FRK: variants seen among roughly 807,000 people sequenced by gnomAD.
The protein encoded by FRK is tyrosine-protein kinase FRK.
FRK carries 51 observed loss-of-function variants against 56.4 expected under a neutral mutation model. That is an observed-to-expected ratio of 0.90 (90% CI 0.72 to 1.14). The LOEUF (loss-of-function observed/expected upper bound fraction) is 1.14. Among genes scored for constraint, FRK ranks in the 50% most tolerant of loss-of-function variants. The probability of loss-of-function intolerance (pLI) is 0.00; values close to 1 mark genes in which losing one functional copy is unlikely to be tolerated. For missense variants in FRK, 570 were observed against 601.4 expected (o/e 0.95, Z 0.55); for synonymous variants, 245 against 217.9 (o/e 1.12, Z -1.10).
intron 1 of FRK, chr6:116,038,703 C>A: frequency 2.4e-6 from 1 of 417,588 alleles, no homozygotes; most frequent in East Asian, 6.0e-5. Context: ...AATCCCCAAC[C>A]TAGAAAATCA....
At chr6:115,990,964 T>G (rs1296804743) in intron 2 of FRK, among the ~76,000 whole-genome samples, 1 of 151,970 alleles carries the variant, frequency 6.6e-6, no homozygotes, top group African/African-American at 2.4e-5. Context: ...TGTTTTATAG[T>G]TGTCCTTGTA....
intron 5 of FRK, among the ~76,000 whole-genome samples, chr6:115,950,041 T>C (rs1264145806): frequency 6.6e-6 from 1 of 152,096 alleles, no homozygotes; most frequent in East Asian, 1.9e-4. Context: ...TCAAGACGGA[T>C]TAAAGATTTA....
At chr6:116,098,465 C>T in the FRK span, among the ~76,000 whole-genome samples, 2 of 152,124 alleles carry the variant, frequency 1.3e-5, no homozygotes, top group African/African-American at 4.8e-5. Context: ...CTTGAAAACT[C>T]TGGTGCCCCT....
rs554938071 is a variant in FRK, at chr6:115,967,355, C to A, written c.799+196G>T. 3.2e-4 allele frequency among the ~76,000 whole-genome samples: 48 copies of A among 152,242 alleles called. 1 individual carries two copies. In the South Asian group the frequency reaches 9.7e-3, roughly 31 times the overall value. On this transcript the variant is annotated intron_variant, in intron 4 of 7. Transcript: ENST00000606080. ...CAATCAGCGATATTTTAAGACTCAG[C>A]TGAACCAGGAAGTGTGTTCTTGTTT...
chr6:116,095,931 C>T, the FRK span, among the ~76,000 whole-genome samples: 1 of 152,320 alleles, frequency 6.6e-6, no homozygotes, highest in East Asian at 1.9e-4. Flanking sequence ...TGATATCAGA[C>T]AATGCCTTTC....
chr6:116,087,175 G>A, the FRK span, among the ~76,000 whole-genome samples: 15 of 152,070 alleles, frequency 9.9e-5, no homozygotes, highest in South Asian at 2.1e-4. Flanking sequence ...TCTCTAAACC[G>A]CAGGGCCCTC....
chr6:116,091,279 T>C, the FRK span, among the ~76,000 whole-genome samples: 67 of 152,298 alleles, frequency 4.4e-4, 1 homozygote, highest in African/African-American at 1.6e-3. Flanking sequence ...GGATTGTAAA[T>C]GCACTATCAG....
the FRK span, among the ~76,000 whole-genome samples, chr6:116,068,221 C>T: frequency 6.6e-6 from 1 of 152,018 alleles, no homozygotes; most frequent in Non-Finnish European, 1.5e-5. Context: ...GAAAAGATGG[C>T]CTTTAATATT....
At chr6:116,094,621 G>A in the FRK span, among the ~76,000 whole-genome samples, 17 of 152,324 alleles carry the variant, frequency 1.1e-4, no homozygotes, top group African/African-American at 2.4e-4. Context: ...GTTATTGCAC[G>A]CAGTGCAAAA....
intron 1 of FRK, among the ~76,000 whole-genome samples, chr6:116,022,988 G>A (rs1357151018): frequency 6.6e-6 from 1 of 152,092 alleles, no homozygotes; most frequent in East Asian, 1.9e-4. Context: ...TTTTTAAATG[G>A]GCAGAAGACT....
intron 2 of FRK, among the ~76,000 whole-genome samples, chr6:115,994,570 A>G (rs1478277830): frequency 1.3e-5 from 2 of 152,134 alleles, no homozygotes; most frequent in Non-Finnish European, 2.9e-5. Context: ...CTTTACTGGC[A>G]TGGCCACTGA....
upstream of FRK, among the ~76,000 whole-genome samples, chr6:116,065,608 T>C (rs2114849732): frequency 6.6e-6 from 1 of 152,330 alleles, no homozygotes; most frequent in South Asian, 2.1e-4. Flanking sequence ...AAGAATCGAA[T>C]AAAATGTCTC....
At chr6:116,090,317 T>C in the FRK span, among the ~76,000 whole-genome samples, 1 of 152,176 alleles carries the variant, frequency 6.6e-6, no homozygotes, top group Admixed American at 6.5e-5. Context: ...CAGGGTGTAA[T>C]GTGATGATAC....
At chr6:116,000,790 T>C (rs1199309793) in intron 2 of FRK, among the ~76,000 whole-genome samples, 2 of 152,230 alleles carry the variant, frequency 1.3e-5, no homozygotes, top group Non-Finnish European at 2.9e-5. Context: ...GGATGTCCAC[T>C]GTATCATATT....
At chr6:116,094,902 A>G in the FRK span, among the ~76,000 whole-genome samples, 1 of 152,260 alleles carries the variant, frequency 6.6e-6, no homozygotes, top group African/African-American at 2.4e-5. Context: ...AAGAGAAAGA[A>G]AGAGAGATGG....
intron 1 of FRK, among the ~76,000 whole-genome samples, chr6:116,029,086 C>T (rs564682460): frequency 6.6e-6 from 1 of 152,206 alleles, no homozygotes; most frequent in African/African-American, 2.4e-5. Context: ...TCCTCAGGGA[C>T]TTTTCACCTT....
chr6:115,990,512 C>T (rs1001522710), intron 2 of FRK, among the ~76,000 whole-genome samples: 2 of 151,872 alleles, frequency 1.3e-5, no homozygotes, highest in Non-Finnish European at 2.9e-5. Flanking sequence ...TTTCCCAGCA[C>T]AATATATTGC....
chr6:116,025,954 T>TA (rs1776072678), intron 1 of FRK, among the ~76,000 whole-genome samples: 1 of 152,214 alleles, frequency 6.6e-6, no homozygotes, highest in African/African-American at 2.4e-5. Flanking sequence ...TCATCTGAGT[T>TA]AAAAAGGGGG....
intron 2 of FRK, chr6:116,002,761 T>C (rs1330165389): frequency 2.2e-6 from 1 of 454,482 alleles, no homozygotes; most frequent in East Asian, 7.0e-5. Context: ...AGTGTCAGCA[T>C]AGTCAGGACC....
Sources: gnomAD v4.1 joint callset for allele counts (sites outside exome capture counted in the v4.1 genomes callset) on GRCh38, gnomAD v4.1.1 for gene constraint, MANE v1.5 for transcripts, NCBI Gene and HGNC (gene_info 2026-07-23, HGNC 2026-07-21) for gene names.